Variants in DIAPH3 observed in about 807,000 individuals in gnomAD.
DIAPH3 encodes diaphanous related formin 3, also known as protein diaphanous homolog 3.
Under a neutral mutation model 144.3 loss-of-function variants are expected in DIAPH3, and 117 were observed. The ratio of observed to expected loss-of-function variants is 0.81; its 90% CI spans 0.70 to 0.95. The LOEUF (loss-of-function observed/expected upper bound fraction) is 0.95, where lower values mean the gene tolerates loss of function less well. Among genes scored for constraint, DIAPH3 ranks in the 40% least tolerant of loss-of-function variants. The pLI is 0.00. For missense variants in DIAPH3, 1,421 were observed against 1,412.7 expected (o/e 1.01, Z -0.09); for synonymous variants, 519 against 488.9 (o/e 1.06, Z -0.81).
intron 27 of DIAPH3, among the ~76,000 whole-genome samples, chr13:59,738,984 T>C (rs924140447): frequency 2.6e-5 from 4 of 152,296 alleles, no homozygotes; most frequent in Non-Finnish European, 1.5e-5. Context: ...TTTGAATTTT[T>C]CTTTTTACAG....
intron 5 of DIAPH3, among the ~76,000 whole-genome samples, chr13:60,021,601 A>C (rs1403566859): frequency 6.6e-6 from 1 of 150,970 alleles, no homozygotes; most frequent in African/African-American, 2.4e-5. Flanking sequence ...CATCTTGCCC[A>C]GACAACAAGT....
Position 59,736,746 on chromosome 13 carries a change from C to T in DIAPH3, c.3319+37443G>A, listed in dbSNP as rs746350340. 2.0e-5 allele frequency among the ~76,000 whole-genome samples: 3 copies of T among 152,130 alleles called. No individual in the cohort carries two copies. In the South Asian group the frequency reaches 6.2e-4, roughly 31 times the overall value. The stretch of plus-strand genomic sequence containing the variant: ...ACAAAGCTTGGAAGCATCACGCTAG[C>T]CAACTTCAAACTATACAACAGGGCC... On this transcript the variant is annotated intron_variant, in intron 27 of 27. Transcript: ENST00000400324.
chr13:60,163,129 C>A (rs971111828), intron 1 of DIAPH3, among the ~76,000 whole-genome samples: 25 of 152,254 alleles, frequency 1.6e-4, no homozygotes, highest in African/African-American at 6.0e-4. Flanking sequence ...AGTGACCACA[C>A]CACCCGCCAA....
At chr13:60,067,578 T>C (rs2057020246) in intron 4 of DIAPH3, among the ~76,000 whole-genome samples, 1 of 152,222 alleles carries the variant, frequency 6.6e-6, no homozygotes. Flanking sequence ...CTATCTGCCA[T>C]CTTCAAACTA....
intron 25 of DIAPH3, among the ~76,000 whole-genome samples, chr13:59,798,365 C>T (rs1243990535): frequency 6.6e-6 from 1 of 152,140 alleles, no homozygotes; most frequent in Non-Finnish European, 1.5e-5. Context: ...AAATTCAAAG[C>T]ATAGCATGGT....
chr13:59,683,895 T>C (rs996577666), intron 27 of DIAPH3, among the ~76,000 whole-genome samples: 1 of 152,196 alleles, frequency 6.6e-6, no homozygotes, highest in Non-Finnish European at 1.5e-5. Context: ...AGTCTGAAAG[T>C]AGGTCTTAAT....
chr13:59,772,601 CCAGA>C (rs1390727462), intron 27 of DIAPH3, among the ~76,000 whole-genome samples: 3 of 151,890 alleles, frequency 2.0e-5, no homozygotes, highest in Admixed American at 2.0e-4. Context: ...CCATTATATC[CCAGA>C]CACTTTACTA....
At chr13:59,974,477 T>G (rs767042976) in intron 14 of DIAPH3, 21 bp from the exon 15 acceptor site, 1 of 1,569,640 alleles carries the variant, frequency 6.4e-7, no homozygotes, top group East Asian at 2.2e-5. Flanking sequence ...TTAAAAATAA[T>G]AACAAAAACA....
intron 9 of DIAPH3, among the ~76,000 whole-genome samples, chr13:60,001,428 AG>A (rs2052524396): frequency 6.6e-6 from 1 of 152,218 alleles, no homozygotes; most frequent in South Asian, 2.1e-4. Flanking sequence ...ACTGACAAAA[AG>A]GAATAAGTTG....
intron 2 of DIAPH3, among the ~76,000 whole-genome samples, chr13:60,126,473 C>T (rs1378149461): frequency 1.3e-5 from 2 of 152,202 alleles, no homozygotes; most frequent in Middle Eastern, 3.4e-3. Flanking sequence ...ATACGTGAAG[C>T]AAAAACCAAT....
chr13:59,813,568 A>G (rs965744373), intron 24 of DIAPH3, among the ~76,000 whole-genome samples: 14 of 152,130 alleles, frequency 9.2e-5, no homozygotes, highest in African/African-American at 1.4e-4. Context: ...AAAAATCAAC[A>G]TAAGAGGCTG....
intron 27 of DIAPH3, among the ~76,000 whole-genome samples, chr13:59,673,778 G>A (rs1208815357): frequency 6.6e-6 from 1 of 152,170 alleles, no homozygotes; most frequent in Admixed American, 6.5e-5. Flanking sequence ...TCAAGACACT[G>A]ATGTTCAGGT....
chr13:60,163,441 G>T, intron 1 of DIAPH3, 146 bp downstream of exon 1: 2 of 1,146,974 alleles, frequency 1.7e-6, no homozygotes, highest in Non-Finnish European at 2.4e-6. Context: ...ACTACAACTA[G>T]ACCCGGTCGT....
At chr13:59,837,681 AATAAT>A (rs2042109856) in intron 23 of DIAPH3, 2 of 152,028 alleles carry the variant, frequency 1.3e-5, no homozygotes, top group African/African-American at 2.4e-5. Flanking sequence ...ATATAACTGC[AATAAT>A]ATATTTATTT....
rs142071372 is a variant in DIAPH3, at chr13:59,700,960, T to C, written c.3320-34114A>G. 1.3e-3 allele frequency among the ~76,000 whole-genome samples: 192 copies of C among 152,346 alleles called. 1 individual carries two copies. The highest frequency in any genetic ancestry group is 4.4e-3 in the African/African-American group (183 of 41,576). ...AGTTTATTTACTTAGTAAAAGAAGC[T>C]ACTCAGATTAAGTTTCAAGGATATT... is the stretch of plus-strand genomic sequence containing the variant. On this transcript the variant is annotated intron_variant, in intron 27 of 27. Coordinates refer to ENST00000400324, the MANE Select transcript of DIAPH3 (RefSeq NM_001042517.2).
intron 22 of DIAPH3, among the ~76,000 whole-genome samples, chr13:59,846,638 TAGG>T (rs1375604145): frequency 6.6e-6 from 1 of 152,128 alleles, no homozygotes; most frequent in East Asian, 1.9e-4. Context: ...GACTATTAAG[TAGG>T]TCTACAACAA....
intron 25 of DIAPH3, among the ~76,000 whole-genome samples, chr13:59,783,872 G>A (rs2038885841): frequency 6.6e-6 from 1 of 152,040 alleles, no homozygotes; most frequent in South Asian, 2.1e-4. Flanking sequence ...AGCTCTCTTA[G>A]GGAGACATTG....
chr13:59,841,474 G>C (rs981676269), intron 22 of DIAPH3, among the ~76,000 whole-genome samples: 2 of 151,982 alleles, frequency 1.3e-5, no homozygotes, highest in African/African-American at 4.8e-5. Context: ...TGTGCCTGTA[G>C]TCCCAGCTAA....
At chr13:60,045,696 A>T (rs1394699109) in intron 4 of DIAPH3, among the ~76,000 whole-genome samples, 2 of 152,220 alleles carry the variant, frequency 1.3e-5, no homozygotes, top group Non-Finnish European at 2.9e-5. Flanking sequence ...GTGGAGGTTA[A>T]CTAGATGATC....
Sources: allele counts gnomAD v4.1 joint callset (sites outside exome capture counted in the v4.1 genomes callset), GRCh38; gene constraint gnomAD v4.1.1; transcripts MANE v1.5; gene names NCBI Gene and HGNC (gene_info 2026-07-23, HGNC 2026-07-21).